MMS22L: variants seen among roughly 807,000 people sequenced by gnomAD.
MMS22L encodes MMS22 like, DNA repair protein.
Under a neutral mutation model 159.1 loss-of-function variants are expected in MMS22L, and 74 were observed. The ratio of observed to expected loss-of-function variants is 0.47; its 90% confidence interval spans 0.39 to 0.56. The LOEUF (loss-of-function observed/expected upper bound fraction) is 0.56, where lower values mean the gene tolerates loss of function less well. Ranked by LOEUF, MMS22L falls within the 20% of genes least tolerant of loss-of-function variation. The probability of loss-of-function intolerance (pLI) is 0.00; values close to 1 mark genes in which losing one functional copy is unlikely to be tolerated. For missense variants in MMS22L, 1,351 were observed against 1,422.1 expected (o/e 0.95, Z 0.80); for synonymous variants, 517 against 506.9 (o/e 1.02, Z -0.27).
At chr6:97,161,944 C>G in intron 22 of MMS22L, 58 bp downstream of exon 22, 1 of 1,506,194 alleles carries the variant, frequency 6.6e-7, no homozygotes. Context: ...TGAGGGGAAA[C>G]AGTAGTTTCT....
Position 97,144,105 on chromosome 6 carries a change from C to CAACAA in MMS22L, c.*2700_*2701insTTGTT, listed in dbSNP as rs1272925741. ...CTCAAAACAACAACAACAACAACAACAAAAAAAAAAAAAAAAAAAAAAAGA... is the reference window on the plus strand; with the variant it reads ...CTCAAAACAACAACAACAACAACAACAACAAAAAAAAAAAAAAAAAAAAAAAAAGA... On this transcript the variant is annotated 3_prime_UTR_variant, in exon 25 of 25. Coordinates refer to ENST00000683635, the MANE Select transcript of MMS22L (RefSeq NM_001350599.2). The CAACAA allele has an allele frequency of 1.1e-5, 1 of 87,354 alleles. No individual in the cohort carries two copies. Among genetic ancestry groups the CAACAA allele is most frequent in the African/African-American group, 4.6e-5 (1 of 21,948 alleles). 5.4% of individuals were successfully genotyped at this position (87,354 alleles called of 1,614,324 possible).
At chr6:97,165,491 T>C (rs1802874869) in intron 20 of MMS22L, 34 bp from the exon 21 acceptor site, 1 of 1,557,446 alleles carries the variant, frequency 6.4e-7, no homozygotes, top group Non-Finnish European at 8.8e-7. Context: ...TACTAAGAGG[T>C]AAAGTTTCAA....
intron 14 of MMS22L, among the ~76,000 whole-genome samples, chr6:97,223,518 T>C (rs966514369): frequency 4.6e-5 from 7 of 152,274 alleles, no homozygotes; most frequent in East Asian, 1.9e-4. Flanking sequence ...TTTGACCCGA[T>C]AGTATTAACA....
intron 7 of MMS22L, 152 bp from the exon 8 acceptor site, chr6:97,268,154 C>A: frequency 2.0e-6 from 1 of 488,750 alleles, no homozygotes; most frequent in Non-Finnish European, 3.5e-6. Context: ...ACAACCTTCT[C>A]ATATGAGCAC....
chr6:97,265,974 C>A (rs1398431013), intron 8 of MMS22L: 1 of 152,178 alleles, frequency 6.6e-6, no homozygotes, highest in Non-Finnish European at 1.5e-5. Context: ...CCTGCCTCGG[C>A]CTCCCAAAGT....
chr6:97,222,214 A>G (rs1809730144), intron 14 of MMS22L, among the ~76,000 whole-genome samples: 2 of 152,036 alleles, frequency 1.3e-5, no homozygotes, highest in African/African-American at 4.8e-5. Context: ...AATAATAAAC[A>G]GTTTTTCTCT....
chr6:97,152,336 A>G (rs370224523), intron 22 of MMS22L, among the ~76,000 whole-genome samples: 2 of 152,234 alleles, frequency 1.3e-5, no homozygotes, highest in African/African-American at 4.8e-5. Context: ...AATTAGCCAA[A>G]TATGTATGCA....
chr6:97,170,683 T>C (rs1173321271), intron 19 of MMS22L, among the ~76,000 whole-genome samples: 1 of 135,662 alleles, frequency 7.4e-6, no homozygotes, highest in Admixed American at 7.4e-5. Context: ...TTTTTAAATC[T>C]TTATAGTTAG....
chr6:97,189,506 T>C (rs1179061695), intron 14 of MMS22L, among the ~76,000 whole-genome samples: 2 of 132,668 alleles, frequency 1.5e-5, no homozygotes, highest in African/African-American at 5.9e-5. Context: ...TGAGCTGAGA[T>C]TGCACCACTG....
chr6:97,269,931 T>G lies in MMS22L; in HGVS notation c.668A>C (p.Glu223Ala). 1 of 1,611,950 alleles carries G rather than the reference T, an allele frequency of 6.2e-7. No individual in the cohort carries two copies. The highest frequency in any genetic ancestry group is 2.2e-5 in the East Asian group (1 of 44,792). ...LHLDIHWLVL[E>A]ILYMLGEKLK... is the part of the protein sequence containing the mutation. ...TTTTTCACCCAGCATGTAAAGAATTTCTAGCACCAGCCAATGTATATCCAA... is the reference window on the plus strand; with the variant it reads ...TTTTTCACCCAGCATGTAAAGAATTGCTAGCACCAGCCAATGTATATCCAA... The change falls in exon 7 of 25, where the codon GAA (glutamate) becomes GCA (alanine). Residue 223 changes from glutamate to alanine, a missense_variant. Physicochemically the swap from Glu to Ala is moderately radical, Grantham distance 107. Coordinates refer to ENST00000683635, the MANE Select transcript of MMS22L (RefSeq NM_001350599.2).
chr6:97,144,781 T>A lies in MMS22L; in HGVS notation c.*2025A>T, dbSNP rs918203141. On this transcript the variant is annotated 3_prime_UTR_variant, in exon 25 of 25. Coordinates refer to ENST00000683635, the MANE Select transcript of MMS22L (RefSeq NM_001350599.2). Reference sequence around the variant, plus strand: ...CATAAATTTTCTTCTTTTTTCAATTTAAAAAAAAGCTTTAAAAAAAGTTAC... The same window carrying A: ...CATAAATTTTCTTCTTTTTTCAATTAAAAAAAAAGCTTTAAAAAAAGTTAC... 22 of 151,606 alleles carry A rather than the reference T, an allele frequency of 1.5e-4. No individual in the cohort carries two copies. Among genetic ancestry groups the A allele is most frequent in the African/African-American group, 3.4e-4 (14 of 41,330 alleles). 9.4% of individuals were successfully genotyped at this position (151,606 alleles called of 1,614,324 possible). A position where few individuals can be genotyped will look rare whatever the true frequency, so the allele number is the denominator to read the frequency against.
intron 10 of MMS22L, among the ~76,000 whole-genome samples, chr6:97,249,943 G>A (rs1193615826): frequency 2.0e-5 from 3 of 151,968 alleles, no homozygotes; most frequent in African/African-American, 4.8e-5. Context: ...AAGAATTACA[G>A]AAAAACTGTA....
chr6:97,279,022 T>A, intron 3 of MMS22L, 124 bp from the exon 4 acceptor site: 2 of 674,306 alleles, frequency 3.0e-6, no homozygotes, highest in South Asian at 4.4e-5. Flanking sequence ...TGATGATTAA[T>A]ACCTTGTGAA....
chr6:97,233,586 T>A (rs1397544111), intron 12 of MMS22L, among the ~76,000 whole-genome samples: 2 of 152,134 alleles, frequency 1.3e-5, no homozygotes, highest in Non-Finnish European at 2.9e-5. Context: ...ATTAGAAACA[T>A]TTATAAATGA....
At chr6:97,281,693 AAC>A (rs1374792374) in intron 2 of MMS22L, among the ~76,000 whole-genome samples, 20 of 152,228 alleles carry the variant, frequency 1.3e-4, no homozygotes, top group Admixed American at 5.2e-4. Flanking sequence ...TAAAACTGCT[AAC>A]AGTTATTCTG....
intron 9 of MMS22L, chr6:97,261,731 T>C (rs1472697222): frequency 6.6e-6 from 1 of 152,146 alleles, no homozygotes; most frequent in Non-Finnish European, 1.5e-5. Context: ...TGTTCTATAT[T>C]TTGTTGGAAG....
intron 9 of MMS22L, among the ~76,000 whole-genome samples, chr6:97,262,564 G>C (rs1282523156): frequency 1.3e-5 from 2 of 149,562 alleles, no homozygotes; most frequent in Non-Finnish European, 1.5e-5. Flanking sequence ...AGAATTGCTT[G>C]AACTGGGAGG....
intron 9 of MMS22L, among the ~76,000 whole-genome samples, chr6:97,255,013 A>C (rs1302533147): frequency 1.3e-5 from 2 of 152,022 alleles, no homozygotes; most frequent in African/African-American, 4.8e-5. Flanking sequence ...ACACAGGTAT[A>C]CCAGCCTATA....
chr6:97,204,887 C>A (rs1465349454), intron 14 of MMS22L, among the ~76,000 whole-genome samples: 1 of 73,538 alleles, frequency 1.4e-5, no homozygotes, highest in Admixed American at 1.3e-4. Context: ...AGAGAGCTGG[C>A]AATTTTTTTT....
Sources: gnomAD v4.1 joint callset for allele counts (sites outside exome capture counted in the v4.1 genomes callset) on GRCh38, gnomAD v4.1.1 for gene constraint, MANE v1.5 for transcripts, NCBI Gene and HGNC (gene_info 2026-07-23, HGNC 2026-07-21) for gene names.